Variants in ZNF430 observed in about 807,000 individuals in gnomAD.
ZNF430 encodes zinc finger protein 430.
Under a neutral mutation model 56.7 loss-of-function variants are expected in ZNF430, and 35 were observed. The observed-to-expected ratio is 0.62, with a 90% CI of 0.47 to 0.82. The LOEUF (loss-of-function observed/expected upper bound fraction) is 0.82. Ranked by LOEUF, ZNF430 falls within the 40% of genes least tolerant of loss-of-function variation. ZNF430 has a pLI of 0.00. For synonymous variants in ZNF430, 212 were observed against 224.3 expected, an observed-to-expected ratio of 0.94 and a Z score of 0.49; for missense variants, 574 against 661.0, an observed-to-expected ratio of 0.87 and a Z score of 1.44.
At chr19:21,049,473 T>G (rs1457056611) in intron 4 of ZNF430, 3 of 152,130 alleles carry the variant, frequency 2.0e-5, no homozygotes, top group Admixed American at 6.6e-5. Flanking sequence ...CAAAATGGAT[T>G]CATTTTAGCA....
At chr19:21,053,728 A>T (rs913922716) in intron 4 of ZNF430, among the ~76,000 whole-genome samples, 1 of 152,140 alleles carries the variant, frequency 6.6e-6, no homozygotes, top group Non-Finnish European at 1.5e-5. Flanking sequence ...TATTGAACTC[A>T]TGTCACTTGA....
At chr19:21,048,839 T>C (rs944522322) in intron 4 of ZNF430, among the ~76,000 whole-genome samples, 1 of 151,392 alleles carries the variant, frequency 6.6e-6, no homozygotes, top group African/African-American at 2.4e-5. Flanking sequence ...CTGGACGGGG[T>C]GGCTGGCCGG....
intron 3 of ZNF430, 54 bp from the exon 4 acceptor site, chr19:21,034,032 A>C: frequency 7.3e-7 from 1 of 1,368,890 alleles, no homozygotes; most frequent in Non-Finnish European, 1.0e-6. Flanking sequence ...GCACAGTACT[A>C]GGTTGGTAAC....
At chr19:21,041,140 A>C (rs74321557) in intron 4 of ZNF430, among the ~76,000 whole-genome samples, 3,347 of 152,060 alleles carry the variant, frequency 0.022, 109 homozygotes, top group African/African-American at 0.076. Flanking sequence ...AAATTTATCT[A>C]TTTTTGAGAT....
Position 21,058,132 on chromosome 19 carries a change from C to T in ZNF430, c.*111C>T. 9.8e-7 allele frequency: 1 copy of T among 1,015,774 alleles called. No individual in the cohort carries two copies. The highest frequency in any genetic ancestry group is 2.6e-5 in the East Asian group (1 of 38,824). The allele number at this position is 1,015,774 out of a possible 1,614,324, so 62.9% of individuals were successfully genotyped here. On this transcript the variant is annotated 3_prime_UTR_variant, in exon 5 of 5. Coordinates refer to ENST00000261560, the MANE Select transcript of ZNF430 (RefSeq NM_025189.4). ...GAATATGGCAAAGCCTTCAACAAGT[C>T]CTCAATTCTTACCAGACATAAGATA...
Position 21,056,701 on chromosome 19 carries a change from AT to A in ZNF430, c.395del (p.Leu132Ter). The A allele has an allele frequency of 4.4e-6, 7 of 1,605,462 alleles. No individual in the cohort carries two copies. Among genetic ancestry groups the A allele is most frequent in the Non-Finnish European group, 6.0e-6 (7 of 1,175,576 alleles). On this transcript the variant is annotated frameshift_variant, in exon 5 of 5. Coordinates refer to ENST00000261560, the MANE Select transcript of ZNF430 (RefSeq NM_025189.4). LOFTEE classifies it high-confidence loss of function. ...GIKDSFQEVI[L>X]RRYGKCGHED... ...TAAAAGATTCTTTCCAAGAAGTCAT[AT>A]TGAGAAGATATGGAAAATGTGGACA...
chr19:21,021,823 A>ATTTTTTTTTTTTTTTTTTTTTT (rs71174785), intron 1 of ZNF430, among the ~76,000 whole-genome samples: 5 of 85,724 alleles, frequency 5.8e-5, no homozygotes, highest in African/African-American at 2.1e-4. Context: ...CCTGAGTTAG[A>ATTTTTTTTTTTTTTTTTTTTTT]TTTTTTTTTT....
intron 1 of ZNF430, among the ~76,000 whole-genome samples, chr19:21,022,136 C>T (rs59367123): frequency 1.8e-4 from 27 of 152,202 alleles, no homozygotes; most frequent in African/African-American, 5.8e-4. Context: ...TCACGCCCAG[C>T]CACGTTAGAT....
intron 4 of ZNF430, among the ~76,000 whole-genome samples, chr19:21,048,164 C>CTTT (rs536496163): frequency 3.5e-4 from 21 of 59,814 alleles, no homozygotes; most frequent in Non-Finnish European, 4.3e-4. Flanking sequence ...CATAAAACAT[C>CTTT]TTTTTTTTTT....
chr19:21,048,649 C>T (rs9941492), intron 4 of ZNF430, among the ~76,000 whole-genome samples: 7,460 of 151,922 alleles, frequency 0.049, 586 homozygotes, highest in African/African-American at 0.17. Context: ...CTTTTCTATT[C>T]GACAAAACCG....
chr19:21,052,110 G>A (rs555309354), intron 4 of ZNF430, among the ~76,000 whole-genome samples: 1 of 152,044 alleles, frequency 6.6e-6, no homozygotes, highest in Admixed American at 6.6e-5. Flanking sequence ...TATCTATATA[G>A]TTATAAATTT....
chr19:21,057,608 T>C lies in ZNF430; in HGVS notation c.1300T>C (p.Cys434Arg). 1.2e-6 allele frequency: 2 copies of C among 1,612,134 alleles called. No homozygotes were observed. Among genetic ancestry groups the C allele is most frequent in the Non-Finnish European group, 1.7e-6 (2 of 1,179,542 alleles). ...AGAGAAACCCTACAAATGTGAACAA[T>C]GTGGCAAAGCTTTTAATGAGTCCTC... ...TGEKPYKCEQCGKAFNESSNL... is the reference protein window; with the variant it reads ...TGEKPYKCEQRGKAFNESSNL... Residue 434 changes from cysteine (C) to arginine (R), a missense_variant, in exon 5 of 5, where the codon TGT becomes CGT. Cys to Arg is a radical substitution (Grantham distance 180, BLOSUM62 -3). Around this residue, in one of 3 missense-constraint regions of ZNF430, gnomAD observed 213 missense variants for 221.0 expected, o/e 0.96. Transcript: ENST00000261560.
At chr19:21,028,771 C>T (rs1405176892) in intron 2 of ZNF430, among the ~76,000 whole-genome samples, 1 of 152,116 alleles carries the variant, frequency 6.6e-6, no homozygotes, top group Non-Finnish European at 1.5e-5. Flanking sequence ...CTGCAACCTC[C>T]GCCTCCCGGG....
At chr19:21,049,930 CT>C (rs796133254) in intron 4 of ZNF430, among the ~76,000 whole-genome samples, 86 of 70,184 alleles carry the variant, frequency 1.2e-3, no homozygotes, top group Non-Finnish European at 1.1e-3. Flanking sequence ...TTATTCTTCT[CT>C]TTTTTTTTTT....
At position 21,059,809 on chromosome 19, in the gene ZNF430, ATTAT is replaced by A. The variant is rs1334906738; in HGVS notation, c.*1793_*1796del. 2 of 152,114 alleles carry A rather than the reference ATTAT, an allele frequency of 1.3e-5. No homozygotes were observed. Among genetic ancestry groups the A allele is most frequent in the Non-Finnish European group, 2.9e-5 (2 of 68,012 alleles). The allele number at this position is 152,114 out of a possible 1,614,324, so 9.4% of individuals were successfully genotyped here. ...CATGAGTCTTTTTTATTAGGTGGCC[ATTAT>A]TTATGATCTTTTCTATGAAAGAGTA... On this transcript the variant is annotated 3_prime_UTR_variant, in exon 5 of 5. Coordinates refer to ENST00000261560, the MANE Select transcript of ZNF430 (RefSeq NM_025189.4).
At chr19:21,054,824 G>A (rs1166834304) in intron 4 of ZNF430, among the ~76,000 whole-genome samples, 2 of 151,736 alleles carry the variant, frequency 1.3e-5, no homozygotes, top group African/African-American at 4.8e-5. Context: ...ACAGGCGCCC[G>A]CCACCACGCC....
chr19:21,021,179 G>T lies in ZNF430; in HGVS notation c.3+376G>T, dbSNP rs189290774. ...ATGAATGGGAAGAACTTTGGTCCTG[G>T]GTTCCTAGTTCCTCTTTTCTCCTAT... On this transcript the variant is annotated intron_variant, in intron 1 of 4. Coordinates refer to ENST00000261560, the MANE Select transcript of ZNF430 (RefSeq NM_025189.4). Among the ~76,000 whole-genome samples the T allele has an allele frequency of 3.2e-3, 485 of 152,208 alleles. 1 individual carries two copies. The highest frequency in any genetic ancestry group is 5.4e-3 in the Non-Finnish European group (370 of 68,012).
At chr19:21,054,669 C>CTTTTTTTTTTTTTTTTTTTTTTTTTTTT (rs55772412) in intron 4 of ZNF430, among the ~76,000 whole-genome samples, 1 of 65,582 alleles carries the variant, frequency 1.5e-5, no homozygotes, top group Non-Finnish European at 2.6e-5. Context: ...ATTTTTACGT[C>CTTTTTTTTTTTTTTTTTTTTTTTTTTTT]TTTTTTTTTT....
At chr19:21,034,769 C>T (rs1967968444) in intron 4 of ZNF430, 1 of 152,206 alleles carries the variant, frequency 6.6e-6, no homozygotes, top group Non-Finnish European at 1.5e-5. Context: ...AAACTCCTGA[C>T]CTCAAGTGAT....
Sources: gnomAD v4.1 joint callset for allele counts (sites outside exome capture counted in the v4.1 genomes callset) on GRCh38, gnomAD v4.1.1 for gene constraint, gnomAD v4.1.1 regional missense constraint, MANE v1.5 for transcripts, NCBI Gene and HGNC (gene_info 2026-07-23, HGNC 2026-07-21) for gene names.